CLVS2: variants seen among roughly 807,000 people sequenced by gnomAD.
CLVS2 encodes clavesin-2.
CLVS2 carries 19 observed loss-of-function variants against 29.0 expected under a neutral mutation model. That is an observed-to-expected ratio of 0.66 (90% CI 0.46 to 0.96). CLVS2 has a LOEUF of 0.96. CLVS2 is among the 40% of genes least tolerant of loss of function. The pLI, the probability that CLVS2 is intolerant of heterozygous loss-of-function variation, is 0.00. For missense variants in CLVS2, 294 were observed against 404.1 expected (o/e 0.73, Z 2.34); for synonymous variants, 161 against 151.3 (o/e 1.06, Z -0.47).
At chr6:123,060,931 A>C (rs1365224105) in intron 5 of CLVS2, among the ~76,000 whole-genome samples, 1 of 152,234 alleles carries the variant, frequency 6.6e-6, no homozygotes, top group East Asian at 1.9e-4. Context: ...AGTATTGGAT[A>C]TCTAAATCTA....
intron 5 of CLVS2, among the ~76,000 whole-genome samples, chr6:123,061,287 T>A (rs1772774132): frequency 6.6e-6 from 1 of 151,492 alleles, no homozygotes; most frequent in Non-Finnish European, 1.5e-5. Flanking sequence ...ACACAGTGAG[T>A]CTTTGCCTCA....
At chr6:122,998,787 C>T (rs1480422931) in intron 2 of CLVS2, among the ~76,000 whole-genome samples, 1 of 152,174 alleles carries the variant, frequency 6.6e-6, no homozygotes, top group Non-Finnish European at 1.5e-5. Context: ...TGAAAATGTA[C>T]ACTGACTGGT....
intron 5 of CLVS2, among the ~76,000 whole-genome samples, chr6:123,062,190 T>C (rs1772789235): frequency 6.6e-6 from 1 of 152,166 alleles, no homozygotes; most frequent in Non-Finnish European, 1.5e-5. Flanking sequence ...CATGAATTCA[T>C]CTGAGAGCCA....
rs1229752382 is a variant in CLVS2, at chr6:123,070,051, G to C, written c.*6290G>C. 6.6e-6 allele frequency: 1 copy of C among 151,776 alleles called. No homozygotes were observed. The highest frequency in any genetic ancestry group is 1.5e-5 in the Non-Finnish European group (1 of 67,866). The allele number at this position is 151,776 out of a possible 1,614,324, so 9.4% of individuals were successfully genotyped here. On this transcript the variant is annotated 3_prime_UTR_variant, in exon 6 of 6. Coordinates refer to ENST00000275162, the MANE Select transcript of CLVS2 (RefSeq NM_001010852.4). ...CTGGTTTATAAATTATTACCTAAAA[G>C]TTTTATGAAATATAATTATTAAGTT... is the stretch of plus-strand genomic sequence containing the variant.
chr6:123,048,820 A>G, intron 4 of CLVS2, 88 bp downstream of exon 4: 1 of 825,862 alleles, frequency 1.2e-6, no homozygotes. Flanking sequence ...AGCTATAGTA[A>G]AATGTACTTC....
chr6:123,003,221 T>C (rs1374146423), intron 2 of CLVS2, among the ~76,000 whole-genome samples: 1 of 152,262 alleles, frequency 6.6e-6, no homozygotes, highest in Admixed American at 6.5e-5. Context: ...AAGGCTGGCC[T>C]GAGCCAAGCT....
chr6:123,019,810 A>G (rs1774895047), intron 3 of CLVS2, among the ~76,000 whole-genome samples: 1 of 152,002 alleles, frequency 6.6e-6, no homozygotes, highest in African/African-American at 2.4e-5. Flanking sequence ...CAAGCTTGAG[A>G]CCTTGCAGGG....
At chr6:123,045,048 T>A (rs2114350457) in intron 3 of CLVS2, among the ~76,000 whole-genome samples, 1 of 152,194 alleles carries the variant, frequency 6.6e-6, no homozygotes. Flanking sequence ...TTGTTCCCAT[T>A]TTACAGATAA....
chr6:123,070,059 A>T lies in CLVS2; in HGVS notation c.*6298A>T, dbSNP rs755270649. 6.6e-6 allele frequency: 1 copy of T among 151,912 alleles called. No individual in the cohort carries two copies. Among genetic ancestry groups the T allele is most frequent in the Non-Finnish European group, 1.5e-5 (1 of 67,896 alleles). The allele number at this position is 151,912 out of a possible 1,614,324, so 9.4% of individuals were successfully genotyped here. ...TAAATTATTACCTAAAAGTTTTATG[A>T]AATATAATTATTAAGTTTTAGTGCT... is the stretch of plus-strand genomic sequence containing the variant. On this transcript the variant is annotated 3_prime_UTR_variant, in exon 6 of 6. Coordinates refer to ENST00000275162, the MANE Select transcript of CLVS2 (RefSeq NM_001010852.4).
chr6:123,063,563 T>C, intron 5 of CLVS2, 111 bp from the exon 6 acceptor site: 1 of 638,556 alleles, frequency 1.6e-6, no homozygotes, highest in Non-Finnish European at 2.8e-6. Context: ...TTTCTTGATA[T>C]AGAGGAAGGG....
chr6:122,997,742 G>C lies in CLVS2; in HGVS notation c.-36G>C, dbSNP rs368823918. 2 of 1,598,920 alleles carry C rather than the reference G, an allele frequency of 1.3e-6. No homozygotes were observed. Among genetic ancestry groups the C allele is most frequent in the East Asian group, 4.5e-5 (2 of 44,778 alleles). ...AGGTTTGCTTTGGGACAGTCAACAA[G>C]GTCTTCTGAGGGAAAGCTCAGAGAT... On this transcript the variant is annotated 5_prime_UTR_variant, in exon 2 of 6. Transcript: ENST00000275162.
intron 3 of CLVS2, among the ~76,000 whole-genome samples, chr6:123,024,965 A>G (rs1240450816): frequency 2.0e-5 from 3 of 152,120 alleles, no homozygotes; most frequent in Admixed American, 2.0e-4. Flanking sequence ...CTATCCCAAT[A>G]TACGCCTAGG....
chr6:123,039,321 T>C (rs540217305), intron 3 of CLVS2, among the ~76,000 whole-genome samples: 2 of 152,280 alleles, frequency 1.3e-5, no homozygotes, highest in East Asian at 3.9e-4. Flanking sequence ...TGCTGTCAGA[T>C]GACAAATTGG....
chr6:123,005,351 T>C (rs996206251), intron 2 of CLVS2, among the ~76,000 whole-genome samples: 1 of 152,108 alleles, frequency 6.6e-6, no homozygotes, highest in Non-Finnish European at 1.5e-5. Flanking sequence ...TCTCCTTTTT[T>C]CCCCTCCCCC....
intron 3 of CLVS2, among the ~76,000 whole-genome samples, chr6:123,040,450 GA>G (rs200431579): frequency 2.4e-4 from 36 of 150,028 alleles, no homozygotes; most frequent in African/African-American, 8.3e-4. Context: ...ACGAGAAAAA[GA>G]AAAAAAAAGA....
At chr6:123,025,120 G>A (rs1774982496) in intron 3 of CLVS2, among the ~76,000 whole-genome samples, 1 of 152,074 alleles carries the variant, frequency 6.6e-6, no homozygotes, top group African/African-American at 2.4e-5. Flanking sequence ...GAGATTTACA[G>A]TCATTCACCT....
chr6:123,048,726 GA>G lies in CLVS2; in HGVS notation c.673del (p.Arg225GlyfsTer9). 1.3e-6 allele frequency: 2 copies of G among 1,599,304 alleles called. No homozygotes were observed. Among genetic ancestry groups the G allele is most frequent in the Non-Finnish European group, 1.7e-6 (2 of 1,166,738 alleles). On this transcript the variant is annotated frameshift_variant, in exon 4 of 6. Transcript: ENST00000275162. LOFTEE classifies it high-confidence loss of function. ...IRPFLKEKTRKRIFLHGNNLN... is the reference protein window; with the variant it reads ...IRPFLKEKTRXRIFLHGNNLN... ...GGCCTTTCCTGAAGGAGAAAACTCG[GA>G]AAAGGGTATTCTTTTCTTTGATTTT...
chr6:123,056,311 C>T (rs1772692350), intron 5 of CLVS2, among the ~76,000 whole-genome samples: 1 of 152,098 alleles, frequency 6.6e-6, no homozygotes, highest in African/African-American at 2.4e-5. Flanking sequence ...ATCTCCCAAA[C>T]TTATTCTTCC....
At chr6:123,031,795 C>A in intron 3 of CLVS2, among the ~76,000 whole-genome samples, 1 of 144,520 alleles carries the variant, frequency 6.9e-6, no homozygotes, top group Non-Finnish European at 1.5e-5. Context: ...CCAGTAGTAC[C>A]TTTTTTTTTT....
Sources: allele counts gnomAD v4.1 joint callset (sites outside exome capture counted in the v4.1 genomes callset), GRCh38; gene constraint gnomAD v4.1.1; transcripts MANE v1.5; gene names NCBI Gene and HGNC (gene_info 2026-07-23, HGNC 2026-07-21).